GDA: variants seen among roughly 807,000 people sequenced by gnomAD.
GDA encodes cytoplasmic PSD-95 interactor.
A neutral mutation model predicts 59.6 loss-of-function variants in GDA; 18 were observed. The observed-to-expected ratio is 0.30, with a 90% CI of 0.21 to 0.45. The LOEUF is 0.45. Ranked by LOEUF, GDA falls within the 20% of genes least tolerant of loss-of-function variation. The pLI, the probability that GDA is intolerant of heterozygous loss-of-function variation, is 1.00. For missense variants in GDA, 427 were observed against 552.3 expected (o/e 0.77, Z 2.27); for synonymous variants, 201 against 201.1 (o/e 1.00, Z 0.00).
At chr9:72,206,830 C>T (rs1037570970) in intron 3 of GDA, among the ~76,000 whole-genome samples, 1 of 152,074 alleles carries the variant, frequency 6.6e-6, no homozygotes, top group East Asian at 1.9e-4. Flanking sequence ...TATTTTGCTA[C>T]TTGGATCCCT....
At chr9:72,190,821 A>T (rs1216302993) in intron 1 of GDA, among the ~76,000 whole-genome samples, 1 of 138,878 alleles carries the variant, frequency 7.2e-6, no homozygotes, top group African/African-American at 3.4e-5. Context: ...AGAAAATTAA[A>T]AAAAAAAATT....
At chr9:72,212,253 C>T (rs192083086) in intron 4 of GDA, among the ~76,000 whole-genome samples, 232 of 152,186 alleles carry the variant, frequency 1.5e-3, no homozygotes, top group African/African-American at 5.4e-3. Flanking sequence ...GAGGCCGAGG[C>T]GGGCGGATCA....
intron 1 of GDA, among the ~76,000 whole-genome samples, chr9:72,177,092 CTTTTTTT>C (rs58433062): frequency 0.018 from 1,219 of 67,900 alleles, 22 homozygotes; most frequent in African/African-American, 0.061. Context: ...TTATAAACTG[CTTTTTTT>C]TTTTTTTTTT....
chr9:72,225,894 AT>A lies in GDA; in HGVS notation c.822+118del, dbSNP rs898493337. 3.3e-4 allele frequency: 187 copies of A among 565,018 alleles called. 1 individual carries two copies. The highest frequency in any genetic ancestry group is 2.8e-3 in the African/African-American group (147 of 52,102). The allele number at this position is 565,018 out of a possible 1,614,324, so 35.0% of individuals were successfully genotyped here. On this transcript the variant is annotated intron_variant, in intron 8 of 13. Coordinates refer to ENST00000358399, the MANE Select transcript of GDA (RefSeq NM_004293.5). ...CTGATATGAATACATTTCTTTAAAA[AT>A]TTTTTTTAAAGTTTTAATTTTTGTG...
At chr9:72,183,087 C>G (rs1185568453) in intron 1 of GDA, among the ~76,000 whole-genome samples, 1 of 152,080 alleles carries the variant, frequency 6.6e-6, no homozygotes, top group African/African-American at 2.4e-5. Flanking sequence ...CCTGGAGTCA[C>G]TTGGTTCTGT....
At chr9:72,234,204 G>T (rs1838699236) in intron 10 of GDA, among the ~76,000 whole-genome samples, 1 of 152,086 alleles carries the variant, frequency 6.6e-6, no homozygotes, top group Admixed American at 6.6e-5. Flanking sequence ...CAGACCAACA[G>T]AACTAACTGA....
At chr9:72,237,314 A>T (rs1033491484) in intron 10 of GDA, among the ~76,000 whole-genome samples, 1 of 152,152 alleles carries the variant, frequency 6.6e-6, no homozygotes, top group Admixed American at 6.5e-5. Flanking sequence ...ACTCCAAAGG[A>T]TGCCATTCTG....
At chr9:72,245,036 A>AT (rs5898251) in intron 11 of GDA, 112 bp from the exon 12 acceptor site, 9,767 of 751,386 alleles carry the variant, frequency 0.013, no homozygotes, top group East Asian at 0.018. Flanking sequence ...TAAGATACTA[A>AT]TTTTTTTTTT....
chr9:72,250,606 A>G lies in GDA; in HGVS notation c.*2264A>G. 4 of 1,551,472 alleles carry G rather than the reference A, an allele frequency of 2.6e-6. No homozygotes were observed. Among genetic ancestry groups the G allele is most frequent in the Non-Finnish European group, 1.7e-6 (2 of 1,156,602 alleles). On this transcript the variant is annotated 3_prime_UTR_variant, in exon 14 of 14. Transcript: ENST00000358399. ...ATGCTTTTTTTTCTGTACCACAGGC[A>G]TTATCTATACCTGGGGCCAGATTTT...
At chr9:72,255,881 T>C (rs1335259026), downstream of GDA, among the ~76,000 whole-genome samples, 1 of 152,188 alleles carries the variant, frequency 6.6e-6, no homozygotes, top group Non-Finnish European at 1.5e-5. Context: ...TTGTAACTTA[T>C]GGGGGAAACT....
chr9:72,247,439 T>G lies in GDA; in HGVS notation c.1294+6T>G, dbSNP rs769749479. 1 of 1,413,032 alleles carries G rather than the reference T, an allele frequency of 7.1e-7. No homozygotes were observed. Among genetic ancestry groups the G allele is most frequent in the Non-Finnish European group, 1.0e-6 (1 of 997,000 alleles). The allele number at this position is 1,413,032 out of a possible 1,614,324, so 87.5% of individuals were successfully genotyped here. ...CCAGAAGTTCCTCTATCTAGGTAGG[T>G]AGATGCATGTCTCTATGCTAAATAT... On this transcript the variant is annotated splice_donor_region_variant and intron_variant, in intron 13 of 13. Transcript: ENST00000358399.
intron 11 of GDA, 99 bp downstream of exon 11, chr9:72,241,397 CA>C (rs1839596915): frequency 2.3e-6 from 2 of 880,132 alleles, no homozygotes; most frequent in Non-Finnish European, 3.4e-6. Context: ...TAGGAAAATC[CA>C]ATATTTGTGA....
At chr9:72,184,382 T>G (rs11143156) in intron 1 of GDA, among the ~76,000 whole-genome samples, 20,463 of 152,154 alleles carry the variant, frequency 0.13, 1,962 homozygotes, top group East Asian at 0.5. Flanking sequence ...CCTCCAACCC[T>G]TGACAACTAC....
At chr9:72,168,822 C>T (rs962809418) in intron 1 of GDA, among the ~76,000 whole-genome samples, 3 of 152,178 alleles carry the variant, frequency 2.0e-5, no homozygotes, top group Non-Finnish European at 4.4e-5. Flanking sequence ...AACTGTGTCA[C>T]CAACAGTTTG....
At chr9:72,126,964 G>A (rs1415556565) in intron 1 of GDA, among the ~76,000 whole-genome samples, 2 of 151,902 alleles carry the variant, frequency 1.3e-5, no homozygotes, top group Non-Finnish European at 2.9e-5. Context: ...ATTACTAGCC[G>A]CGATAGATCA....
At chr9:72,185,881 A>C (rs551864054) in intron 1 of GDA, among the ~76,000 whole-genome samples, 22 of 152,192 alleles carry the variant, frequency 1.4e-4, no homozygotes, top group Non-Finnish European at 2.6e-4. Context: ...TCCCAGTTTC[A>C]AGTAAGAAAG....
At chr9:72,252,238 G>A (rs1840754692), downstream of GDA, 1 of 152,498 alleles carries the variant, frequency 6.6e-6, no homozygotes, top group Non-Finnish European at 1.5e-5. Flanking sequence ...TTTGTTGTGA[G>A]TTCTCTCTGT....
Position 72,129,469 on chromosome 9 carries a change from A to C in GDA, c.-100+14636A>C, listed in dbSNP as rs377163059. Among the ~76,000 whole-genome samples the C allele has an allele frequency of 3.9e-5, 6 of 152,306 alleles. No individual in the cohort carries two copies. In the South Asian group the frequency reaches 6.2e-4, roughly 16 times the overall value. On this transcript the variant is annotated intron_variant, in intron 1 of 13. Coordinates refer to the GDA transcript ENST00000545168. ...GTGGACATCCTCCAACTGTTTCTAC[A>C]GTCCAAGTTAGGACTCAATGGGTGT... is the stretch of plus-strand genomic sequence containing the variant.
chr9:72,219,700 A>T (rs1392575142), intron 6 of GDA, among the ~76,000 whole-genome samples, 194 bp downstream of exon 6: 1 of 152,200 alleles, frequency 6.6e-6, no homozygotes, highest in African/African-American at 2.4e-5. Flanking sequence ...TTAAAAAATT[A>T]TCTTAAAATA....
Sources: allele counts gnomAD v4.1 joint callset (sites outside exome capture counted in the v4.1 genomes callset), GRCh38; gene constraint gnomAD v4.1.1; transcripts MANE v1.5; gene names NCBI Gene and HGNC (gene_info 2026-07-23, HGNC 2026-07-21).